SLC17A4: variants seen among roughly 807,000 people sequenced by gnomAD.
SLC17A4 encodes the protein solute carrier family 17 member 4.
In SLC17A4, 33 loss-of-function variants were observed where a neutral mutation model predicts 52.5. The ratio of observed to expected loss-of-function variants is 0.63; its 90% CI spans 0.48 to 0.84. SLC17A4 has a LOEUF of 0.84. SLC17A4 is among the 40% of genes least tolerant of loss of function. SLC17A4 has a pLI of 0.00. For missense variants in SLC17A4, 585 were observed against 597.1 expected (o/e 0.98, Z 0.21); for synonymous variants, 225 against 216.2 (o/e 1.04, Z -0.36).
At chr6:25,777,035 A>T (rs779898864) in intron 10 of SLC17A4, 76 bp downstream of exon 10, 36 of 1,481,650 alleles carry the variant, frequency 2.4e-5, no homozygotes, top group Non-Finnish European at 3.1e-5. Context: ...CTGATGTGAA[A>T]GTAAAATGTG....
intron 1 of SLC17A4, among the ~76,000 whole-genome samples, chr6:25,756,946 G>T (rs1761073955): frequency 6.6e-6 from 1 of 152,116 alleles, no homozygotes; most frequent in African/African-American, 2.4e-5. Flanking sequence ...TCAACTAATT[G>T]CCCTGAGGTG....
At chr6:25,759,038 T>C (rs530799971) in intron 1 of SLC17A4, among the ~76,000 whole-genome samples, 1 of 152,360 alleles carries the variant, frequency 6.6e-6, no homozygotes, top group East Asian at 1.9e-4. Context: ...AATTTTCATC[T>C]TGATTTCATT....
chr6:25,762,150 T>G lies in SLC17A4; in HGVS notation c.91+97T>G, dbSNP rs915647384. On this transcript the variant is annotated intron_variant, in intron 2 of 11. Coordinates refer to ENST00000377905, the MANE Select transcript of SLC17A4 (RefSeq NM_005495.3). ...TAAAACTAGGATCTGTGGCATCTTT[T>G]GTTGATACACATCATTTTCCTTGCT... The G allele has an allele frequency of 6.0e-5, 60 of 997,560 alleles. 2 individuals carry two copies. Among genetic ancestry groups the G allele is most frequent in the Admixed American group, 5.5e-4 (23 of 41,926 alleles). 61.8% of individuals were successfully genotyped at this position (997,560 alleles called of 1,614,324 possible).
Position 25,762,182 on chromosome 6 carries a change from A to G in SLC17A4, c.91+129A>G, listed in dbSNP as rs947233735. 7.3e-6 allele frequency: 5 copies of G among 683,980 alleles called. No homozygotes were observed. In the South Asian group the frequency reaches 8.2e-5, roughly 11 times the overall value. The allele number at this position is 683,980 out of a possible 1,614,324, so 42.4% of individuals were successfully genotyped here. ...ACACATCATTTTCCTTGCTACCACC[A>G]ATTGCCAATAATTCTATACGGTTAT... On this transcript the variant is annotated intron_variant, in intron 2 of 11. Transcript: ENST00000377905.
chr6:25,763,794 T>A (rs1761759163), intron 2 of SLC17A4, among the ~76,000 whole-genome samples: 1 of 152,254 alleles, frequency 6.6e-6, no homozygotes, highest in Non-Finnish European at 1.5e-5. Flanking sequence ...GTTAGGGATT[T>A]CTGGGGCCAG....
chr6:25,780,526 G>A lies in SLC17A4; in HGVS notation c.*1338G>A, dbSNP rs989323241. The A allele has an allele frequency of 4.6e-5, 7 of 152,176 alleles. No homozygotes were observed. The highest frequency in any genetic ancestry group is 1.7e-4 in the African/African-American group (7 of 41,420). The allele number at this position is 152,176 out of a possible 1,614,324, so 9.4% of individuals were successfully genotyped here. A position where few individuals can be genotyped will look rare whatever the true frequency, so the allele number is the denominator to read the frequency against. Reference sequence around the variant, plus strand: ...ATAAGCAAAAGTTTCATGGCAGGAGGGAGAAATTAGCTATGGCCAGAGTAT... The same window carrying A: ...ATAAGCAAAAGTTTCATGGCAGGAGAGAGAAATTAGCTATGGCCAGAGTAT... On this transcript the variant is annotated 3_prime_UTR_variant, in exon 12 of 12. Transcript: ENST00000377905.
intron 6 of SLC17A4, 122 bp from the exon 7 acceptor site, chr6:25,773,153 T>C (rs1762619214): frequency 1.3e-6 from 1 of 784,278 alleles, no homozygotes; most frequent in Non-Finnish European, 2.2e-6. Context: ...ATGCAAGGGA[T>C]AGATGCCAGG....
intron 1 of SLC17A4, among the ~76,000 whole-genome samples, chr6:25,756,937 C>T (rs911491356): frequency 6.6e-6 from 1 of 152,128 alleles, no homozygotes; most frequent in African/African-American, 2.4e-5. Flanking sequence ...TTTTTCAATT[C>T]AACTAATTGC....
chr6:25,776,521 G>A, intron 8 of SLC17A4, 74 bp from the exon 9 acceptor site: 2 of 1,510,814 alleles, frequency 1.3e-6, no homozygotes, highest in Non-Finnish European at 1.8e-6. Flanking sequence ...AATGTGGACA[G>A]TCTGTCCAAG....
chr6:25,765,755 G>C (rs1407771799), intron 2 of SLC17A4, among the ~76,000 whole-genome samples: 1 of 152,062 alleles, frequency 6.6e-6, no homozygotes, highest in African/African-American at 2.4e-5. Flanking sequence ...ATGAAAACTA[G>C]TTAATTAAAC....
chr6:25,765,112 G>A (rs528985114), intron 2 of SLC17A4, among the ~76,000 whole-genome samples: 2 of 152,140 alleles, frequency 1.3e-5, no homozygotes, highest in Non-Finnish European at 2.9e-5. Context: ...TGGCTTTTAT[G>A]GTCCAAGGCT....
chr6:25,770,002 G>T (rs1013053685), intron 3 of SLC17A4, 65 bp from the exon 4 acceptor site: 4 of 1,470,738 alleles, frequency 2.7e-6, no homozygotes, highest in Non-Finnish European at 3.8e-6. Flanking sequence ...TGCCTCTCAA[G>T]TCCTCACAAT....
At chr6:25,769,356 C>T (rs1433490000) in intron 3 of SLC17A4, among the ~76,000 whole-genome samples, 166 bp downstream of exon 3, 1 of 152,026 alleles carries the variant, frequency 6.6e-6, no homozygotes, top group Non-Finnish European at 1.5e-5. Context: ...TGGCTCACAC[C>T]TTTAGTCCCA....
chr6:25,770,522 G>A, intron 5 of SLC17A4, 51 bp downstream of exon 5: 2 of 1,535,884 alleles, frequency 1.3e-6, no homozygotes, highest in Non-Finnish European at 9.0e-7. Flanking sequence ...GGAGAACTCA[G>A]CAAAGTCCTG....
intron 1 of SLC17A4, among the ~76,000 whole-genome samples, chr6:25,761,408 G>C (rs1172006549): frequency 6.6e-6 from 1 of 152,146 alleles, no homozygotes; most frequent in Non-Finnish European, 1.5e-5. Context: ...CACTGAAATT[G>C]ATGCTTCTGT....
chr6:25,768,208 G>A lies in SLC17A4; in HGVS notation c.92-777G>A, dbSNP rs115431512. 1,595 of 201,156 alleles carry A rather than the reference G, an allele frequency of 7.9e-3. 13 individuals are homozygous for A. Among genetic ancestry groups the A allele is most frequent in the African/African-American group, 0.027 (1,149 of 42,380 alleles). 12.5% of individuals were successfully genotyped at this position (201,156 alleles called of 1,614,324 possible). A position where few individuals can be genotyped will look rare whatever the true frequency, so the allele number is the denominator to read the frequency against. ...AACCAAAGGTAAGAGCTAGAACTTAGCAAGAGCATTACTACACAAAATGAA... is the reference window on the plus strand; with the variant it reads ...AACCAAAGGTAAGAGCTAGAACTTAACAAGAGCATTACTACACAAAATGAA... On this transcript the variant is annotated intron_variant, in intron 2 of 11. Transcript: ENST00000377905.
At chr6:25,769,252 A>G in intron 3 of SLC17A4, 62 bp downstream of exon 3, 1 of 1,442,836 alleles carries the variant, frequency 6.9e-7, no homozygotes, top group South Asian at 1.2e-5. Context: ...AAAGAGTTAT[A>G]AAAGAGTGAG....
chr6:25,769,138 C>T lies in SLC17A4; in HGVS notation c.245C>T (p.Ser82Phe). ...SQPNASTERP[S>F]TDSQGYWNET... Reference sequence around the variant, plus strand: ...CCCAATGCTTCCACAGAACGGCCCTCCACTGACTCCCAGGGCTACTGGAAT... The same window carrying T: ...CCCAATGCTTCCACAGAACGGCCCTTCACTGACTCCCAGGGCTACTGGAAT... Residue 82 changes from serine to phenylalanine, a missense_variant, in exon 3 of 12, where the codon TCC becomes TTC. Coordinates refer to ENST00000377905, the MANE Select transcript of SLC17A4 (RefSeq NM_005495.3). 6.2e-7 allele frequency: 1 copy of T among 1,614,080 alleles called. No individual in the cohort carries two copies. The highest frequency in any genetic ancestry group is 8.5e-7 in the Non-Finnish European group (1 of 1,179,986).
intron 1 of SLC17A4, among the ~76,000 whole-genome samples, chr6:25,758,519 AG>A (rs1462150079): frequency 1.3e-5 from 2 of 152,076 alleles, no homozygotes; most frequent in Non-Finnish European, 2.9e-5. Context: ...TTAATCTAGG[AG>A]GGTTTTATAT....
Sources: allele counts gnomAD v4.1 joint callset (sites outside exome capture counted in the v4.1 genomes callset), GRCh38; gene constraint gnomAD v4.1.1; transcripts MANE v1.5; gene names NCBI Gene and HGNC (gene_info 2026-07-23, HGNC 2026-07-21).